Variants in NAT2 observed in about 807,000 individuals in gnomAD.
NAT2 encodes N-acetyltransferase 2, also known as arylamine N-acetyltransferase 2.
For synonymous variants in NAT2, 137 were observed against 125.9 expected (o/e 1.09, Z -0.59); for missense variants, 428 against 339.1 (o/e 1.26, Z -2.06).
At chr8:18,389,684 C>T (rs920317294), upstream of NAT2, among the ~76,000 whole-genome samples, 4 of 152,166 alleles carry the variant, frequency 2.6e-5, no homozygotes, top group African/African-American at 7.2e-5. Context: ...TCTGCCCCTC[C>T]GCAGATCCCA....
intron 1 of NAT2, among the ~76,000 whole-genome samples, chr8:18,397,664 A>G (rs1705364419): frequency 6.6e-6 from 1 of 152,128 alleles, no homozygotes; most frequent in East Asian, 1.9e-4. Flanking sequence ...TGGTTAGAGC[A>G]ATAAGGGTTT....
intron 1 of NAT2, among the ~76,000 whole-genome samples, chr8:18,397,189 T>C (rs1800706993): frequency 6.6e-6 from 1 of 151,950 alleles, no homozygotes; most frequent in Admixed American, 6.6e-5. Context: ...ATAATTCTGT[T>C]TATAAAGTCT....
chr8:18,400,932 C>G lies in NAT2; in HGVS notation c.*56C>G, dbSNP rs1800782787. 1 of 1,348,274 alleles carries G rather than the reference C, an allele frequency of 7.4e-7. No individual in the cohort carries two copies. The highest frequency in any genetic ancestry group is 1.5e-5 in the African/African-American group (1 of 68,192). The allele number at this position is 1,348,274 out of a possible 1,614,324, so 83.5% of individuals were successfully genotyped here. A position where few individuals can be genotyped will look rare whatever the true frequency, so the allele number is the denominator to read the frequency against. ...TATCACCCAACTCACTAATTATCAA[C>G]TTATGTGCTATCAGATATCCTCTCT... is the stretch of plus-strand genomic sequence containing the variant. On this transcript the variant is annotated 3_prime_UTR_variant, in exon 2 of 2. Transcript: ENST00000286479.
Position 18,400,056 on chromosome 8 carries a change from A to T in NAT2, c.53A>T (p.Lys18Ile). 1 of 1,612,120 alleles carries T rather than the reference A, an allele frequency of 6.2e-7. No individual in the cohort carries two copies. The highest frequency in any genetic ancestry group is 8.5e-7 in the Non-Finnish European group (1 of 1,178,910). ...ERIGYKNSRN[K>I]LDLETLTDIL... ...ATTGGCTATAAGAACTCTAGGAACA[A>T]ATTGGACTTGGAAACATTAACTGAC... The change falls in exon 2 of 2, where the codon AAA becomes ATA. Residue 18 changes from lysine (K) to isoleucine (I), a missense_variant. Physicochemically the swap from Lys to Ile is moderately radical, Grantham distance 102. Transcript: ENST00000286479.
At chr8:18,397,492 ATGGAAAGTCCAATCATGT>A (rs1219212781) in intron 1 of NAT2, among the ~76,000 whole-genome samples, 1 of 152,172 alleles carries the variant, frequency 6.6e-6, no homozygotes, top group Non-Finnish European at 1.5e-5. Flanking sequence ...TTAGGATACA[ATGGAAAGTCCAATCATGT>A]TGGAAGTGGC....
rs569861699 is a variant in NAT2, at chr8:18,399,151, G to C, written c.-6-847G>C. 2.0e-5 allele frequency among the ~76,000 whole-genome samples: 3 copies of C among 152,176 alleles called. No individual in the cohort carries two copies. The South Asian group carries it at 6.2e-4, about 32-fold the overall frequency. On this transcript the variant is annotated intron_variant, in intron 1 of 1. Coordinates refer to ENST00000286479, the MANE Select transcript of NAT2 (RefSeq NM_000015.3). ...TTCCTGGATGTTTCCTCAACACTTG[G>C]GACAGGTTCCAGCTAAGGATCCTGG...
intron 1 of NAT2, among the ~76,000 whole-genome samples, chr8:18,394,536 C>G (rs934456044): frequency 6.6e-6 from 1 of 152,066 alleles, no homozygotes; most frequent in Non-Finnish European, 1.5e-5. Context: ...TGAGCCCAAC[C>G]AAGGATTTAT....
intron 1 of NAT2, among the ~76,000 whole-genome samples, chr8:18,397,390 G>C (rs1800710821): frequency 6.6e-6 from 1 of 151,968 alleles, no homozygotes; most frequent in Non-Finnish European, 1.5e-5. Context: ...TGATAAGAGA[G>C]ATTAAAAAGA....
chr8:18,386,583 C>T (rs188587820), upstream of NAT2, among the ~76,000 whole-genome samples: 2 of 152,266 alleles, frequency 1.3e-5, no homozygotes, highest in Admixed American at 6.5e-5. Context: ...CACCCCACCC[C>T]GGGGTTGTCC....
Position 18,400,829 on chromosome 8 carries a change from G to C in NAT2, c.826G>C (p.Gly276Arg), listed in dbSNP as rs1269922864. 35 of 1,607,828 alleles carry C rather than the reference G, an allele frequency of 2.2e-5. No individual in the cohort carries two copies. Among genetic ancestry groups the C allele is most frequent in the Non-Finnish European group, 2.9e-5 (34 of 1,178,304 alleles). The change falls in exon 2 of 2, where the codon GGG becomes CGG. Residue 276 changes from glycine (G) to arginine (R), a missense_variant. Coordinates refer to ENST00000286479, the MANE Select transcript of NAT2 (RefSeq NM_000015.3). Reference protein sequence around the residue: ...VLRNIFKISLGRNLVPKPGDG... With the variant: ...VLRNIFKISLRRNLVPKPGDG... ...GAGAAATATATTTAAGATTTCCTTG[G>C]GGAGAAATCTCGTGCCCAAACCTGG...
At chr8:18,389,880 G>A (rs1231724006), upstream of NAT2, among the ~76,000 whole-genome samples, 1 of 152,184 alleles carries the variant, frequency 6.6e-6, no homozygotes, top group Non-Finnish European at 1.5e-5. Flanking sequence ...ACAAAGATTT[G>A]TATTCCAGTG....
intron 1 of NAT2, among the ~76,000 whole-genome samples, chr8:18,392,882 T>G (rs1245416334): frequency 6.6e-6 from 1 of 152,180 alleles, no homozygotes; most frequent in Non-Finnish European, 1.5e-5. Flanking sequence ...AAAGGTGGCC[T>G]TGTTATGTAG....
chr8:18,400,257 A>C lies in NAT2; in HGVS notation c.254A>C (p.Gln85Pro), dbSNP rs1474441417. 1 of 1,612,692 alleles carries C rather than the reference A, an allele frequency of 6.2e-7. No homozygotes were observed. Among genetic ancestry groups the C allele is most frequent in the Non-Finnish European group, 8.5e-7 (1 of 1,179,246 alleles). ...TGGGCTCTGACCACAATCGGTTTTC[A>C]GACCACAATGTTAGGAGGGTATTTT... ...LYWALTTIGF[Q>P]TTMLGGYFYI... Residue 85 changes from glutamine to proline, a missense_variant, in exon 2 of 2, where the codon CAG becomes CCG. Coordinates refer to ENST00000286479, the MANE Select transcript of NAT2 (RefSeq NM_000015.3).
Position 18,400,662 on chromosome 8 carries a change from C to T in NAT2, c.659C>T (p.Thr220Ile), listed in dbSNP as rs761651231. 2 of 1,613,990 alleles carry T rather than the reference C, an allele frequency of 1.2e-6. No individual in the cohort carries two copies. The highest frequency in any genetic ancestry group is 1.7e-4 in the Middle Eastern group (1 of 6,060). ...TCTCCAACATCTTCATTTATAACCA[C>T]ATCATTTTGTTCCTTGCAGACCCCA... ...QTSPTSSFIT[T>I]SFCSLQTPEG... The change falls in exon 2 of 2, where the codon ACA becomes ATA. Residue 220 changes from threonine to isoleucine, a missense_variant. Transcript: ENST00000286479.
intron 1 of NAT2, among the ~76,000 whole-genome samples, chr8:18,394,826 CA>C (rs1377102900): frequency 6.6e-6 from 1 of 152,138 alleles, no homozygotes; most frequent in Admixed American, 6.5e-5. Flanking sequence ...TGTTACAAAA[CA>C]AAACAGATTC....
chr8:18,388,182 A>T (rs983663913), upstream of NAT2, among the ~76,000 whole-genome samples: 1 of 152,244 alleles, frequency 6.6e-6, no homozygotes, highest in African/African-American at 2.4e-5. Context: ...TTAAACTGTC[A>T]AGTTTGTCTA....
chr8:18,400,943 T>A lies in NAT2; in HGVS notation c.*67T>A. The A allele has an allele frequency of 8.3e-7, 1 of 1,199,816 alleles. No homozygotes were observed. The highest frequency in any genetic ancestry group is 1.2e-6 in the Non-Finnish European group (1 of 862,558). 74.3% of individuals were successfully genotyped at this position (1,199,816 alleles called of 1,614,324 possible). ...TCACTAATTATCAACTTATGTGCTA[T>A]CAGATATCCTCTCTACCCTCACGTT... On this transcript the variant is annotated 3_prime_UTR_variant, in exon 2 of 2. Coordinates refer to ENST00000286479, the MANE Select transcript of NAT2 (RefSeq NM_000015.3).
At chr8:18,389,098 A>G (rs928280031), upstream of NAT2, among the ~76,000 whole-genome samples, 2 of 152,230 alleles carry the variant, frequency 1.3e-5, no homozygotes, top group African/African-American at 4.8e-5. Context: ...TTCTTGCTGG[A>G]CATCCTCAAG....
At chr8:18,393,975 C>A (rs1800637624) in intron 1 of NAT2, among the ~76,000 whole-genome samples, 1 of 152,214 alleles carries the variant, frequency 6.6e-6, no homozygotes, top group African/African-American at 2.4e-5. Context: ...GACCACCAAA[C>A]AGACTCTGTG....
Sources: gnomAD v4.1 joint callset for allele counts (sites outside exome capture counted in the v4.1 genomes callset) on GRCh38, gnomAD v4.1.1 for gene constraint, MANE v1.5 for transcripts, NCBI Gene and HGNC (gene_info 2026-07-23, HGNC 2026-07-21) for gene names.